The following PLCXD3 variants were observed in gnomAD, a reference collection of about 807,000 sequenced individuals.
PLCXD3 encodes the protein phosphatidylinositol specific phospholipase C X domain containing 3, also known as PI-PLC X domain-containing protein 3.
Under a neutral mutation model 25.5 loss-of-function variants are expected in PLCXD3, and 19 were observed. That is an observed-to-expected ratio of 0.75 (90% CI 0.52 to 1.09). The LOEUF is 1.09. PLCXD3 is among the 50% of genes least tolerant of loss of function. The pLI is 0.00. For missense variants in PLCXD3, 411 were observed against 388.1 expected (o/e 1.06, Z -0.50); for synonymous variants, 174 against 137.6 (o/e 1.26, Z -1.85).
chr5:41,402,626 CTGTTT>C (rs2150500190), intron 1 of PLCXD3, among the ~76,000 whole-genome samples: 1 of 151,896 alleles, frequency 6.6e-6, no homozygotes, highest in South Asian at 2.1e-4. Flanking sequence ...AATTTTCTAT[CTGTTT>C]TATTAATTAT....
intron 1 of PLCXD3, among the ~76,000 whole-genome samples, chr5:41,475,965 G>A (rs1748274457): frequency 6.6e-6 from 1 of 152,206 alleles, no homozygotes; most frequent in African/African-American, 2.4e-5. Flanking sequence ...TGGGTAGCAA[G>A]AGCAAGGAGG....
chr5:41,383,645 G>A (rs200605523), intron 1 of PLCXD3, among the ~76,000 whole-genome samples: 1 of 151,932 alleles, frequency 6.6e-6, no homozygotes, highest in East Asian at 1.9e-4. Context: ...CCTTGTCCTA[G>A]TACCATCATT....
chr5:41,397,610 G>C (rs1365470401), intron 1 of PLCXD3, among the ~76,000 whole-genome samples: 3 of 152,180 alleles, frequency 2.0e-5, no homozygotes, highest in Non-Finnish European at 2.9e-5. Flanking sequence ...TAGTGGAGCT[G>C]TGAGAAGAGA....
At chr5:41,323,982 T>C (rs1001184280) in intron 2 of PLCXD3, among the ~76,000 whole-genome samples, 1 of 152,102 alleles carries the variant, frequency 6.6e-6, no homozygotes, top group Non-Finnish European at 1.5e-5. Context: ...GGCAGGTAAG[T>C]ACAGGTCTTA....
intron 2 of PLCXD3, among the ~76,000 whole-genome samples, chr5:41,354,274 T>A (rs189500778): frequency 1.3e-5 from 2 of 152,330 alleles, no homozygotes; most frequent in Admixed American, 1.3e-4. Flanking sequence ...AGCAGACTTA[T>A]GATCAGCAGG....
chr5:41,340,088 C>T (rs1051769059), intron 2 of PLCXD3, among the ~76,000 whole-genome samples: 4 of 152,158 alleles, frequency 2.6e-5, no homozygotes, highest in Non-Finnish European at 4.4e-5. Flanking sequence ...TTCACACCTA[C>T]AATTGCATTA....
At chr5:41,316,622 C>T (rs187567549) in intron 2 of PLCXD3, among the ~76,000 whole-genome samples, 2 of 152,262 alleles carry the variant, frequency 1.3e-5, no homozygotes, top group Non-Finnish European at 2.9e-5. Context: ...TCAGAGGGAG[C>T]CCACTGCCCT....
chr5:41,332,425 A>T (rs1290369701), intron 2 of PLCXD3, among the ~76,000 whole-genome samples: 1 of 152,156 alleles, frequency 6.6e-6, no homozygotes, highest in East Asian at 1.9e-4. Flanking sequence ...AATGGCAATC[A>T]TTAAAAAGTC....
At chr5:41,472,535 G>C (rs889845932) in intron 1 of PLCXD3, among the ~76,000 whole-genome samples, 1 of 152,264 alleles carries the variant, frequency 6.6e-6, no homozygotes, top group East Asian at 1.9e-4. Flanking sequence ...CATCCAAGTG[G>C]ATTTCTTTTA....
At chr5:41,424,105 C>A (rs1273832553) in intron 1 of PLCXD3, among the ~76,000 whole-genome samples, 4 of 152,210 alleles carry the variant, frequency 2.6e-5, no homozygotes, top group Admixed American at 6.5e-5. Context: ...ACCAACATCT[C>A]TCCATTCCCC....
At chr5:41,390,866 C>T (rs76541667) in intron 1 of PLCXD3, among the ~76,000 whole-genome samples, 4,181 of 152,272 alleles carry the variant, frequency 0.027, 76 homozygotes, top group Non-Finnish European at 0.044. Flanking sequence ...CCTACCCTGG[C>T]GGCAGTGGCC....
chr5:41,434,721 GA>G (rs1435861457), intron 1 of PLCXD3, among the ~76,000 whole-genome samples: 3 of 152,156 alleles, frequency 2.0e-5, no homozygotes, highest in Non-Finnish European at 4.4e-5. Flanking sequence ...TAATATGTTG[GA>G]AAGGAAGGGA....
In PLCXD3 at chr5:41,440,215, A is replaced by ATTTTTTTTTTTTTTT. The variant is rs70988846; in HGVS notation, c.104-57696_104-57682dup. On this transcript the variant is annotated intron_variant, in intron 1 of 2. Transcript: ENST00000377801. ...TCTGAGCAAATTACATAATCTCTCA[A>ATTTTTTTTTTTTTTT]TTTTTTTTTTTTTTTTTTTTTTTTT... is the stretch of plus-strand genomic sequence containing the variant. Among the ~76,000 whole-genome samples, 57 of 41,080 alleles carry ATTTTTTTTTTTTTTT rather than the reference A, an allele frequency of 1.4e-3. 2 individuals carry two copies. Among genetic ancestry groups the ATTTTTTTTTTTTTTT allele is most frequent in the African/African-American group, 3.0e-3 (29 of 9,608 alleles). 27.0% of individuals were successfully genotyped at this position (41,080 alleles called of 152,430 possible).
chr5:41,384,741 G>A (rs1745584354), intron 1 of PLCXD3, among the ~76,000 whole-genome samples: 1 of 152,058 alleles, frequency 6.6e-6, no homozygotes, highest in Non-Finnish European at 1.5e-5. Context: ...AAAACACTGT[G>A]AAAGGATATT....
At chr5:41,422,772 T>A (rs575158751) in intron 1 of PLCXD3, among the ~76,000 whole-genome samples, 3 of 152,330 alleles carry the variant, frequency 2.0e-5, no homozygotes, top group African/African-American at 7.2e-5. Context: ...GCTATAAAAG[T>A]GGCATTTTTT....
At chr5:41,476,233 A>C (rs905064037) in intron 1 of PLCXD3, among the ~76,000 whole-genome samples, 2 of 152,310 alleles carry the variant, frequency 1.3e-5, no homozygotes, top group East Asian at 3.9e-4. Context: ...GGGCAGAAAA[A>C]AGTTTACATA....
intron 1 of PLCXD3, among the ~76,000 whole-genome samples, chr5:41,419,450 A>G (rs1017871958): frequency 5.9e-5 from 9 of 152,208 alleles, no homozygotes; most frequent in Admixed American, 2.0e-4. Context: ...AGAAAACAAC[A>G]TATCATATAG....
chr5:41,355,071 C>A (rs968165469), intron 2 of PLCXD3, among the ~76,000 whole-genome samples: 11 of 152,126 alleles, frequency 7.2e-5, no homozygotes, highest in African/African-American at 2.7e-4. Flanking sequence ...AGACACACAT[C>A]AAGCTTCCCT....
In PLCXD3 at chr5:41,476,441, C is replaced by T. The variant is rs114832294; in HGVS notation, c.103+33983G>A. Among the ~76,000 whole-genome samples, 78 of 152,282 alleles carry T rather than the reference C, an allele frequency of 5.1e-4. 1 individual carries two copies. Among genetic ancestry groups the T allele is most frequent in the African/African-American group, 1.8e-3 (73 of 41,574 alleles). On this transcript the variant is annotated intron_variant, in intron 1 of 2. Coordinates refer to ENST00000377801, the MANE Select transcript of PLCXD3 (RefSeq NM_001005473.3). ...CCATCTAGGTGTCTAGAATTTGATA[C>T]ATGCCAGGTAGAGTATGCCTCCCTC...
Sources: gnomAD v4.1 joint callset for allele counts (sites outside exome capture counted in the v4.1 genomes callset) on GRCh38, gnomAD v4.1.1 for gene constraint, MANE v1.5 for transcripts, NCBI Gene and HGNC (gene_info 2026-07-23, HGNC 2026-07-21) for gene names.